The following AGBL4 variants were observed in gnomAD, a reference collection of about 807,000 sequenced individuals.
AGBL4 encodes AGBL carboxypeptidase 4, also known as cytosolic carboxypeptidase 6.
Under a neutral mutation model 66.4 loss-of-function variants are expected in AGBL4, and 58 were observed. The observed-to-expected ratio is 0.87, with a 90% CI of 0.71 to 1.09. The LOEUF (loss-of-function observed/expected upper bound fraction) is 1.09, where lower values mean the gene tolerates loss of function less well. AGBL4 is among the 50% of genes least tolerant of loss of function. The pLI, the probability that AGBL4 is intolerant of heterozygous loss-of-function variation, is 0.00. For missense variants in AGBL4, 579 were observed against 631.0 expected, an observed-to-expected ratio of 0.92 and a Z score of 0.88; for synonymous variants, 234 against 222.9, an observed-to-expected ratio of 1.05 and a Z score of -0.44.
chr1:49,067,053 G>A (rs1199963801), intron 4 of AGBL4, among the ~76,000 whole-genome samples: 1 of 152,116 alleles, frequency 6.6e-6, no homozygotes, highest in Non-Finnish European at 1.5e-5. Flanking sequence ...ATTCAATCTT[G>A]CAAGAAATAC....
At chr1:49,964,802 A>G (rs1657419939) in intron 1 of AGBL4, among the ~76,000 whole-genome samples, 1 of 152,196 alleles carries the variant, frequency 6.6e-6, no homozygotes, top group Non-Finnish European at 1.5e-5. Context: ...CCAAACATTC[A>G]AAATTATTAT....
In AGBL4 at chr1:49,577,963, G is replaced by T. The variant is rs183508703; in HGVS notation, c.282+119350C>A. Among the ~76,000 whole-genome samples the T allele has an allele frequency of 2.1e-3, 327 of 152,180 alleles. 5 individuals are homozygous for T. The highest frequency in any genetic ancestry group is 0.02 in the Admixed American group (300 of 15,276). ...AAATCAAGGGGTGGATATGGAAGTGGCACCACTCACCATCACCCCAGTGAT... is the reference window on the plus strand; with the variant it reads ...AAATCAAGGGGTGGATATGGAAGTGTCACCACTCACCATCACCCCAGTGAT... On this transcript the variant is annotated intron_variant, in intron 3 of 13. Coordinates refer to ENST00000371839, the MANE Select transcript of AGBL4 (RefSeq NM_032785.4).
intron 3 of AGBL4, among the ~76,000 whole-genome samples, chr1:49,579,510 T>C (rs1281794692): frequency 6.6e-6 from 1 of 151,990 alleles, no homozygotes; most frequent in Non-Finnish European, 1.5e-5. Flanking sequence ...AGAATTTTCT[T>C]TTTTTTTGAG....
At chr1:49,322,024 G>A (rs1359180513) in intron 3 of AGBL4, among the ~76,000 whole-genome samples, 1 of 152,146 alleles carries the variant, frequency 6.6e-6, no homozygotes, top group African/African-American at 2.4e-5. Context: ...TTAGAGCAGA[G>A]CATGCCACCA....
intron 2 of AGBL4, among the ~76,000 whole-genome samples, chr1:49,704,364 GA>G (rs1279188823): frequency 6.6e-6 from 1 of 151,860 alleles, no homozygotes; most frequent in African/African-American, 2.4e-5. Context: ...AGATGACAAG[GA>G]AATTTAATAA....
chr1:49,569,020 C>A (rs964521012), intron 3 of AGBL4, among the ~76,000 whole-genome samples: 1 of 152,134 alleles, frequency 6.6e-6, no homozygotes, highest in Non-Finnish European at 1.5e-5. Context: ...AAATGTGATA[C>A]ATAGACACAA....
intron 4 of AGBL4, among the ~76,000 whole-genome samples, chr1:49,227,384 ATTT>A (rs1422660523): frequency 1.3e-5 from 2 of 151,770 alleles, no homozygotes; most frequent in Admixed American, 1.3e-4. Flanking sequence ...GACTCTTAAC[ATTT>A]TTTTTCACCT....
chr1:48,634,170 T>C, intron 9 of AGBL4: 1 of 173,360 alleles, frequency 5.8e-6, no homozygotes, highest in Non-Finnish European at 1.2e-5. Context: ...TAATAAATTC[T>C]CTATTTTTCT....
chr1:48,565,529 T>C (rs1200595132), intron 11 of AGBL4, among the ~76,000 whole-genome samples: 1 of 152,154 alleles, frequency 6.6e-6, no homozygotes, highest in African/African-American at 2.4e-5. Flanking sequence ...AACTTCTTGT[T>C]TTTTTCTTTA....
intron 3 of AGBL4, among the ~76,000 whole-genome samples, chr1:49,317,012 GA>G (rs1422175205): frequency 1.3e-5 from 2 of 151,632 alleles, no homozygotes; most frequent in Non-Finnish European, 3.0e-5. Context: ...TAATTATTAA[GA>G]AAAAAACATA....
chr1:48,800,578 G>T (rs1423943736), intron 6 of AGBL4, among the ~76,000 whole-genome samples: 1 of 152,106 alleles, frequency 6.6e-6, no homozygotes, highest in Non-Finnish European at 1.5e-5. Context: ...TGAGGTGTGT[G>T]GTTAGATTGT....
At chr1:49,884,394 A>T (rs556572965) in intron 1 of AGBL4, among the ~76,000 whole-genome samples, 2 of 151,904 alleles carry the variant, frequency 1.3e-5, no homozygotes, top group African/African-American at 4.8e-5. Flanking sequence ...TATCATTACT[A>T]TTATTAAGAC....
intron 3 of AGBL4, among the ~76,000 whole-genome samples, chr1:49,668,184 G>C (rs1189514825): frequency 6.6e-6 from 1 of 152,148 alleles, no homozygotes; most frequent in Non-Finnish European, 1.5e-5. Flanking sequence ...ACATCCTTTA[G>C]TTCTTACTCC....
At chr1:48,821,588 C>T (rs1255237010) in intron 6 of AGBL4, among the ~76,000 whole-genome samples, 2 of 151,986 alleles carry the variant, frequency 1.3e-5, no homozygotes, top group Non-Finnish European at 2.9e-5. Context: ...ACTGGGGACT[C>T]CAAAAGCTGC....
At chr1:49,680,692 C>T (rs1276912344) in intron 3 of AGBL4, among the ~76,000 whole-genome samples, 1 of 151,706 alleles carries the variant, frequency 6.6e-6, no homozygotes, top group African/African-American at 2.4e-5. Context: ...TATGTCTTGC[C>T]ATGGTTTTAT....
intron 2 of AGBL4, among the ~76,000 whole-genome samples, chr1:49,702,757 G>C (rs916964694): frequency 6.6e-6 from 1 of 152,070 alleles, no homozygotes; most frequent in Admixed American, 6.6e-5. Flanking sequence ...CATGACAGGT[G>C]AGATTTATCC....
chr1:49,663,548 T>C (rs546154381), intron 3 of AGBL4, among the ~76,000 whole-genome samples: 1 of 152,258 alleles, frequency 6.6e-6, no homozygotes, highest in East Asian at 1.9e-4. Context: ...GGAATCTGCA[T>C]TGAATTATTA....
intron 6 of AGBL4, among the ~76,000 whole-genome samples, chr1:48,779,230 C>A (rs1238522562): frequency 6.6e-6 from 1 of 152,212 alleles, no homozygotes; most frequent in African/African-American, 2.4e-5. Flanking sequence ...CTCCTCTCTG[C>A]ATCTAAATGG....
At chr1:49,457,823 T>TC (rs1173762822) in intron 3 of AGBL4, among the ~76,000 whole-genome samples, 2 of 151,814 alleles carry the variant, frequency 1.3e-5, no homozygotes, top group African/African-American at 4.8e-5. Flanking sequence ...GGGTGTCCTT[T>TC]CCCCACTTTA....
Sources: gnomAD v4.1 joint callset for allele counts (sites outside exome capture counted in the v4.1 genomes callset) on GRCh38, gnomAD v4.1.1 for gene constraint, MANE v1.5 for transcripts, NCBI Gene and HGNC (gene_info 2026-07-23, HGNC 2026-07-21) for gene names.